Variants in SERGEF observed in about 807,000 individuals in gnomAD.
SERGEF encodes secretion regulating guanine nucleotide exchange factor.
SERGEF carries 51 observed loss-of-function variants against 50.0 expected under a neutral mutation model. The ratio of observed to expected loss-of-function variants is 1.02; its 90% CI spans 0.81 to 1.29. The LOEUF (loss-of-function observed/expected upper bound fraction) is 1.29. Among genes scored for constraint, SERGEF ranks in the 50% most tolerant of loss-of-function variants. The pLI is 0.00. For missense variants in SERGEF, 521 were observed against 557.0 expected (o/e 0.94, Z 0.65); for synonymous variants, 205 against 212.4 (o/e 0.97, Z 0.30).
chr11:17,878,964 C>T (rs940245446), intron 9 of SERGEF, among the ~76,000 whole-genome samples: 1 of 152,204 alleles, frequency 6.6e-6, no homozygotes, highest in Non-Finnish European at 1.5e-5. Context: ...GTACCCCCAC[C>T]GTAGCAACCA....
At chr11:17,795,995 T>C (rs1224612240) in intron 10 of SERGEF, among the ~76,000 whole-genome samples, 2 of 152,206 alleles carry the variant, frequency 1.3e-5, no homozygotes, top group African/African-American at 2.4e-5. Context: ...ATTAAAACTT[T>C]TTTTTAACAT....
chr11:17,820,828 C>T (rs1020056645), intron 10 of SERGEF, among the ~76,000 whole-genome samples: 7 of 152,122 alleles, frequency 4.6e-5, no homozygotes, highest in African/African-American at 1.7e-4. Flanking sequence ...AAATCTGACA[C>T]ACAGACAAAA....
intron 9 of SERGEF, among the ~76,000 whole-genome samples, chr11:17,954,016 T>C (rs1184892427): frequency 6.6e-6 from 1 of 152,228 alleles, no homozygotes; most frequent in African/African-American, 2.4e-5. Flanking sequence ...CTACCCATTT[T>C]AAGCACTGCT....
At chr11:17,893,351 G>T (rs1851567005) in intron 9 of SERGEF, among the ~76,000 whole-genome samples, 1 of 152,180 alleles carries the variant, frequency 6.6e-6, no homozygotes, top group African/African-American at 2.4e-5. Context: ...ATTGTAAAAT[G>T]GGTGTAGTAA....
intron 10 of SERGEF, among the ~76,000 whole-genome samples, chr11:17,809,770 G>A (rs1565173403): frequency 6.6e-6 from 1 of 152,190 alleles, no homozygotes; most frequent in Non-Finnish European, 1.5e-5. Flanking sequence ...GCCTTAGCCA[G>A]GAGACTAGGA....
chr11:17,996,457 T>A (rs1161952168), intron 5 of SERGEF, among the ~76,000 whole-genome samples: 3 of 152,196 alleles, frequency 2.0e-5, no homozygotes, highest in African/African-American at 7.2e-5. Context: ...GCCAAGTAAA[T>A]ACATATTTAT....
intron 10 of SERGEF, among the ~76,000 whole-genome samples, chr11:17,827,132 C>T (rs1211527244): frequency 6.6e-6 from 1 of 152,208 alleles, no homozygotes; most frequent in Non-Finnish European, 1.5e-5. Context: ...AGATATCCAT[C>T]TTCTTGAAGG....
intron 10 of SERGEF, among the ~76,000 whole-genome samples, chr11:17,864,790 C>G (rs898887802): frequency 2.6e-5 from 4 of 152,200 alleles, no homozygotes; most frequent in Non-Finnish European, 5.9e-5. Flanking sequence ...CAGGCACCAT[C>G]TCCTTCTGAA....
intron 9 of SERGEF, among the ~76,000 whole-genome samples, chr11:17,934,166 A>G (rs993199313): frequency 2.0e-5 from 3 of 152,310 alleles, no homozygotes; most frequent in South Asian, 4.2e-4. Context: ...GCCATTATCC[A>G]GGAAGGGATA....
intron 9 of SERGEF, among the ~76,000 whole-genome samples, chr11:17,923,938 G>A (rs1022051145): frequency 5.9e-5 from 9 of 152,180 alleles, no homozygotes; most frequent in African/African-American, 1.4e-4. Context: ...CTAGCATAGT[G>A]CGTGGTACAA....
intron 10 of SERGEF, among the ~76,000 whole-genome samples, chr11:17,851,534 T>C (rs1850713720): frequency 6.6e-6 from 1 of 152,154 alleles, no homozygotes; most frequent in Non-Finnish European, 1.5e-5. Flanking sequence ...TGTGGGGATA[T>C]GTGCATTTTG....
At chr11:17,803,085 G>T (rs906022750) in intron 10 of SERGEF, among the ~76,000 whole-genome samples, 1 of 152,220 alleles carries the variant, frequency 6.6e-6, no homozygotes, top group Non-Finnish European at 1.5e-5. Context: ...TCAAAGTGCT[G>T]GGCAGACCAT....
At chr11:17,828,256 C>T (rs1850235586) in intron 10 of SERGEF, among the ~76,000 whole-genome samples, 1 of 152,214 alleles carries the variant, frequency 6.6e-6, no homozygotes, top group Admixed American at 6.5e-5. Flanking sequence ...TCTACCAATC[C>T]ACAGATTCTC....
At chr11:17,881,796 C>G (rs775219671) in intron 9 of SERGEF, among the ~76,000 whole-genome samples, 92 of 152,162 alleles carry the variant, frequency 6.0e-4, no homozygotes, top group Non-Finnish European at 1.1e-3. Flanking sequence ...GACAATTTAT[C>G]CCCTTACAGC....
chr11:17,788,498 T>C (rs112822670), intron 10 of SERGEF, 85 bp from the exon 11 acceptor site: 1 of 1,165,814 alleles, frequency 8.6e-7, no homozygotes. Context: ...GGTATCATCA[T>C]AAACCCCAGT....
At chr11:17,810,476 C>A (rs1849847662) in intron 10 of SERGEF, among the ~76,000 whole-genome samples, 1 of 152,206 alleles carries the variant, frequency 6.6e-6, no homozygotes, top group South Asian at 2.1e-4. Flanking sequence ...TTCAGAGCAG[C>A]AAGGGCATCT....
intron 7 of SERGEF, among the ~76,000 whole-genome samples, 180 bp downstream of exon 7, chr11:17,992,751 A>G (rs752569207): frequency 2.6e-5 from 4 of 152,210 alleles, no homozygotes; most frequent in Non-Finnish European, 5.9e-5. Context: ...AAAGTCTTTT[A>G]CAGACAAGAA....
intron 3 of SERGEF, 133 bp from the exon 4 acceptor site, chr11:18,004,668 C>T (rs1398554338): frequency 3.1e-6 from 2 of 645,412 alleles, no homozygotes; most frequent in African/African-American, 1.8e-5. Context: ...ATATTCCCTG[C>T]TTTTATTCCT....
intron 8 of SERGEF, among the ~76,000 whole-genome samples, chr11:17,986,831 T>C (rs924160026): frequency 1.2e-4 from 19 of 152,228 alleles, no homozygotes; most frequent in African/African-American, 4.6e-4. Context: ...TTTTGCCCTT[T>C]GTACTTAGCT....
Sources: allele counts gnomAD v4.1 joint callset (sites outside exome capture counted in the v4.1 genomes callset), GRCh38; gene constraint gnomAD v4.1.1; transcripts MANE v1.5; gene names NCBI Gene and HGNC (gene_info 2026-07-23, HGNC 2026-07-21).